CEP112: variants seen among roughly 807,000 people sequenced by gnomAD.
CEP112 encodes centrosomal protein of 112 kDa.
Under a neutral mutation model 153.0 loss-of-function variants are expected in CEP112, and 127 were observed. The observed-to-expected ratio is 0.83, with a 90% CI of 0.72 to 0.96. The LOEUF (loss-of-function observed/expected upper bound fraction) is 0.96. Ranked by LOEUF, CEP112 falls within the 40% of genes least tolerant of loss-of-function variation. The pLI, the probability that CEP112 is intolerant of heterozygous loss-of-function variation, is 0.00. For missense variants in CEP112, 1,089 were observed against 1,101.2 expected (o/e 0.99, Z 0.16); for synonymous variants, 358 against 374.4 (o/e 0.96, Z 0.51).
intron 20 of CEP112, 146 bp downstream of exon 20, chr17:65,902,006 G>GGAAAAA: frequency 4.1e-6 from 1 of 243,082 alleles, no homozygotes; most frequent in Non-Finnish European, 6.9e-6. Flanking sequence ...GGGTGGGGGG[G>GGAAAAA]AGAAAAACAA....
At chr17:65,702,042 G>C (rs1365346703) in intron 23 of CEP112, among the ~76,000 whole-genome samples, 3 of 151,748 alleles carry the variant, frequency 2.0e-5, no homozygotes, top group African/African-American at 4.8e-5. Context: ...CACCTGGCTA[G>C]TTTTTATATT....
intron 24 of CEP112, chr17:65,654,928 G>T: frequency 4.9e-6 from 3 of 607,386 alleles, no homozygotes; most frequent in Non-Finnish European, 9.5e-6. Flanking sequence ...CTCGGACAGC[G>T]ATCCATCCTA....
At chr17:65,848,707 T>C (rs886702094) in intron 21 of CEP112, among the ~76,000 whole-genome samples, 2 of 152,234 alleles carry the variant, frequency 1.3e-5, no homozygotes, top group African/African-American at 4.8e-5. Flanking sequence ...AGGGAAAGTG[T>C]AGTGTCACTT....
At chr17:65,953,958 G>T (rs1305372076) in intron 18 of CEP112, among the ~76,000 whole-genome samples, 1 of 152,122 alleles carries the variant, frequency 6.6e-6, no homozygotes, top group Non-Finnish European at 1.5e-5. Context: ...ACTTAAGCCG[G>T]TGTCCCTAGG....
At chr17:66,048,667 T>A (rs1363211765) in intron 12 of CEP112, among the ~76,000 whole-genome samples, 3 of 152,162 alleles carry the variant, frequency 2.0e-5, no homozygotes, top group Non-Finnish European at 4.4e-5. Flanking sequence ...TGGAGTGCAG[T>A]GGCGTGATCT....
chr17:65,644,381 A>G, intron 24 of CEP112: 1 of 559,156 alleles, frequency 1.8e-6, no homozygotes, highest in Non-Finnish European at 3.3e-6. Context: ...GGCATTTTCC[A>G]GGGTCTTCTG....
At chr17:65,658,260 T>A (rs1464934535) in intron 24 of CEP112, among the ~76,000 whole-genome samples, 1 of 152,166 alleles carries the variant, frequency 6.6e-6, no homozygotes, top group Non-Finnish European at 1.5e-5. Context: ...ATAGGATTGA[T>A]CTGGAAATAT....
chr17:65,998,690 T>A (rs2063893189), intron 17 of CEP112, among the ~76,000 whole-genome samples: 1 of 152,056 alleles, frequency 6.6e-6, no homozygotes. Context: ...TAATAATACA[T>A]ATATAACAGA....
intron 21 of CEP112, among the ~76,000 whole-genome samples, chr17:65,770,167 A>T (rs1388083658): frequency 2.6e-5 from 4 of 151,922 alleles, no homozygotes; most frequent in Non-Finnish European, 5.9e-5. Flanking sequence ...CAAACAAAAG[A>T]TGAGATAAAT....
chr17:65,892,801 G>A (rs1194281824), intron 20 of CEP112, among the ~76,000 whole-genome samples: 1 of 152,082 alleles, frequency 6.6e-6, no homozygotes, highest in Non-Finnish European at 1.5e-5. Flanking sequence ...CACTATAACT[G>A]GAGCTATCAT....
In CEP112 at chr17:66,010,956, T is replaced by C. The variant is rs1198651849; in HGVS notation, c.1657-5187A>G. Among the ~76,000 whole-genome samples the C allele has an allele frequency of 7.2e-5, 11 of 152,158 alleles. No homozygotes were observed. The South Asian group carries it at 2.3e-3, about 32-fold the overall frequency. On this transcript the variant is annotated intron_variant, in intron 16 of 26. Transcript: ENST00000535342. ...TGTCTCTGTAAGGTTTTGGTATCAG[T>C]ATGATGCTAACCTCACAGGATGAGT...
At chr17:66,063,558 T>C (rs1186374781) in intron 10 of CEP112, among the ~76,000 whole-genome samples, 1 of 152,140 alleles carries the variant, frequency 6.6e-6, no homozygotes, top group Non-Finnish European at 1.5e-5. Flanking sequence ...GTACATTACT[T>C]GGGTGATGGG....
intron 8 of CEP112, among the ~76,000 whole-genome samples, chr17:66,071,986 A>G (rs986293078): frequency 5.9e-5 from 9 of 152,286 alleles, no homozygotes; most frequent in Middle Eastern, 3.4e-3. Flanking sequence ...TCTTCTGGTT[A>G]TAACTTTTTG....
chr17:65,702,436 A>AT (rs1416127236), intron 23 of CEP112, among the ~76,000 whole-genome samples: 2 of 152,080 alleles, frequency 1.3e-5, no homozygotes, highest in Non-Finnish European at 2.9e-5. Flanking sequence ...CTGTGGTTTT[A>AT]TTTTCCACAG....
At chr17:66,017,726 C>T (rs1014641952) in intron 16 of CEP112, among the ~76,000 whole-genome samples, 3 of 151,950 alleles carry the variant, frequency 2.0e-5, no homozygotes, top group African/African-American at 4.8e-5. Context: ...TTGTGCTGGG[C>T]GCAGTCGCTC....
At chr17:65,739,337 T>C (rs986678480) in intron 23 of CEP112, among the ~76,000 whole-genome samples, 6 of 152,244 alleles carry the variant, frequency 3.9e-5, no homozygotes, top group Non-Finnish European at 7.3e-5. Context: ...ATAATTCTTT[T>C]GAAAGGTGTG....
chr17:65,649,323 T>C (rs2045618982), intron 24 of CEP112, among the ~76,000 whole-genome samples: 1 of 152,222 alleles, frequency 6.6e-6, no homozygotes. Context: ...GAACCTCCTA[T>C]TCCATTGCCA....
chr17:66,092,392 TAC>T (rs1006547382), intron 8 of CEP112, among the ~76,000 whole-genome samples: 28 of 40,600 alleles, frequency 6.9e-4, no homozygotes, highest in African/African-American at 2.4e-3. Context: ...CACACACAGA[TAC>T]ACACACACAC....
At chr17:66,062,573 T>C (rs2066966732) in intron 11 of CEP112, among the ~76,000 whole-genome samples, 1 of 152,146 alleles carries the variant, frequency 6.6e-6, no homozygotes, top group African/African-American at 2.4e-5. Context: ...CAATAAATTC[T>C]AGTCCATATT....
Sources: allele counts gnomAD v4.1 joint callset (sites outside exome capture counted in the v4.1 genomes callset), GRCh38; gene constraint gnomAD v4.1.1; transcripts MANE v1.5; gene names NCBI Gene and HGNC (gene_info 2026-07-23, HGNC 2026-07-21).